The following RBFOX1 variants were observed in gnomAD, a reference collection of about 807,000 sequenced individuals.
RBFOX1 encodes the protein RNA binding protein fox-1 homolog 1.
RBFOX1 carries 8 observed loss-of-function variants against 57.7 expected under a neutral mutation model. The ratio of observed to expected loss-of-function variants is 0.14; its 90% CI spans 0.08 to 0.25. The LOEUF (loss-of-function observed/expected upper bound fraction) is 0.25. RBFOX1 is among the 10% of genes least tolerant of loss of function. The pLI is 1.00. For missense variants in RBFOX1, 611 were observed against 548.5 expected (o/e 1.11, Z -1.14); for synonymous variants, 326 against 222.4 (o/e 1.47, Z -4.15).
At chr16:6,162,506 A>G (rs1371115933) in intron 1 of RBFOX1, among the ~76,000 whole-genome samples, 1 of 152,186 alleles carries the variant, frequency 6.6e-6, no homozygotes, top group African/African-American at 2.4e-5. Flanking sequence ...GACAACTATT[A>G]TCTGTTTAAG....
Position 6,896,907 on chromosome 16 carries a change from A to G in RBFOX1, c.-15-155150A>G, listed in dbSNP as rs542148586. On this transcript the variant is annotated intron_variant, in intron 3 of 15. Transcript: ENST00000550418. Reference sequence around the variant, plus strand: ...GGGAATTTAGGTGACATTTTTAAAAAAAATGCATTTGGTGAAAGAAAGCAA... The same window carrying G: ...GGGAATTTAGGTGACATTTTTAAAAGAAATGCATTTGGTGAAAGAAAGCAA... Among the ~76,000 whole-genome samples, 193 of 152,280 alleles carry G rather than the reference A, an allele frequency of 1.3e-3. 2 individuals carry two copies. The highest frequency in any genetic ancestry group is 4.4e-3 in the African/African-American group (184 of 41,556).
chr16:6,006,168 G>C (rs1316646024), intron 4 of RBFOX1, among the ~76,000 whole-genome samples: 1 of 152,194 alleles, frequency 6.6e-6, no homozygotes, highest in Non-Finnish European at 1.5e-5. Context: ...GCTGGTAATA[G>C]CACCCGGTTT....
At chr16:6,619,494 C>A (rs1445705797) in intron 2 of RBFOX1, among the ~76,000 whole-genome samples, 2 of 152,076 alleles carry the variant, frequency 1.3e-5, no homozygotes, top group Admixed American at 1.3e-4. Context: ...TCTCATTAAA[C>A]TTATGCCTTT....
intron 1 of RBFOX1, among the ~76,000 whole-genome samples, chr16:6,230,410 C>T (rs917194555): frequency 3.3e-5 from 5 of 152,106 alleles, no homozygotes; most frequent in Admixed American, 1.3e-4. Context: ...CCTCTGATCA[C>T]GCTATTATTC....
chr16:6,954,368 A>G lies in RBFOX1; in HGVS notation c.-15-97689A>G, dbSNP rs117079510. Among the ~76,000 whole-genome samples, 39 of 152,274 alleles carry G rather than the reference A, an allele frequency of 2.6e-4. No homozygotes were observed. In the South Asian group the frequency reaches 7.7e-3, roughly 30 times the overall value. On this transcript the variant is annotated intron_variant, in intron 3 of 15. Coordinates refer to ENST00000550418, the MANE Select transcript of RBFOX1 (RefSeq NM_018723.4). ...TAGTTACAATAACGGTCTTCCATCCATTAGTAGTTCCGGCATGCATAGATG... is the reference window on the plus strand; with the variant it reads ...TAGTTACAATAACGGTCTTCCATCCGTTAGTAGTTCCGGCATGCATAGATG...
At chr16:7,277,612 T>C (rs2095466213) in intron 4 of RBFOX1, among the ~76,000 whole-genome samples, 1 of 152,100 alleles carries the variant, frequency 6.6e-6, no homozygotes, top group South Asian at 2.1e-4. Flanking sequence ...GTCTGAAAGC[T>C]CATTATTTCT....
chr16:5,324,580 G>A (rs1357196861), intron 1 of RBFOX1, among the ~76,000 whole-genome samples: 1 of 152,122 alleles, frequency 6.6e-6, no homozygotes, highest in Non-Finnish European at 1.5e-5. Context: ...GTGGTAGATT[G>A]GATAAAGAAA....
intron 2 of RBFOX1, among the ~76,000 whole-genome samples, chr16:6,346,231 C>T (rs995728472): frequency 1.3e-5 from 2 of 152,104 alleles, no homozygotes; most frequent in Admixed American, 6.6e-5. Context: ...AATAATGAGC[C>T]CAAAACAAGC....
chr16:6,780,488 T>TTTTTATATATTTA (rs1567218014), intron 3 of RBFOX1, among the ~76,000 whole-genome samples: 115 of 91,342 alleles, frequency 1.3e-3, no homozygotes, highest in African/African-American at 4.3e-3. Context: ...TTATATATAT[T>TTTTTATATATTTA]TATATACATT....
chr16:5,353,720 A>T (rs1596626115), intron 1 of RBFOX1, among the ~76,000 whole-genome samples: 1 of 55,402 alleles, frequency 1.8e-5, no homozygotes, highest in Admixed American at 2.7e-4. Flanking sequence ...CTAATTTCCC[A>T]TTGAGGAAAA....
chr16:6,589,565 T>C (rs1386002016), intron 2 of RBFOX1, among the ~76,000 whole-genome samples: 4 of 152,352 alleles, frequency 2.6e-5, no homozygotes, highest in South Asian at 4.1e-4. Flanking sequence ...ACTGGTCTTA[T>C]ATTTTACAAT....
chr16:5,760,518 C>T (rs1412853847), intron 3 of RBFOX1, among the ~76,000 whole-genome samples: 3 of 152,104 alleles, frequency 2.0e-5, no homozygotes, highest in Non-Finnish European at 2.9e-5. Flanking sequence ...TTTCCATCAA[C>T]AGAGGAGAAG....
intron 4 of RBFOX1, among the ~76,000 whole-genome samples, chr16:7,485,522 A>C (rs1049283659): frequency 5.9e-5 from 9 of 152,182 alleles, no homozygotes; most frequent in Admixed American, 1.3e-4. Context: ...GAGGTGAATG[A>C]GCTGAGGATG....
chr16:6,982,346 C>G (rs1288670578), intron 3 of RBFOX1, among the ~76,000 whole-genome samples: 1 of 152,162 alleles, frequency 6.6e-6, no homozygotes, highest in East Asian at 1.9e-4. Context: ...GCCAGCATGT[C>G]ATTTTGACTT....
At chr16:6,816,286 G>C (rs2090048358) in intron 3 of RBFOX1, among the ~76,000 whole-genome samples, 1 of 152,190 alleles carries the variant, frequency 6.6e-6, no homozygotes, top group Non-Finnish European at 1.5e-5. Context: ...TCGCACTTGA[G>C]CCACAGGGTA....
intron 3 of RBFOX1, among the ~76,000 whole-genome samples, chr16:6,932,700 C>T (rs913915788): frequency 6.6e-6 from 1 of 152,146 alleles, no homozygotes; most frequent in Non-Finnish European, 1.5e-5. Flanking sequence ...TCTACTTTCA[C>T]TAATCTCTTT....
At chr16:6,585,259 T>A (rs557422589) in intron 2 of RBFOX1, among the ~76,000 whole-genome samples, 3 of 152,300 alleles carry the variant, frequency 2.0e-5, no homozygotes, top group South Asian at 4.1e-4. Flanking sequence ...GAGGAAACCT[T>A]TATCGTCATG....
chr16:5,950,231 C>T (rs2059492568), intron 4 of RBFOX1, among the ~76,000 whole-genome samples: 1 of 152,214 alleles, frequency 6.6e-6, no homozygotes, highest in South Asian at 2.1e-4. Context: ...GACAGCAGAA[C>T]ATTCACTAAG....
intron 3 of RBFOX1, among the ~76,000 whole-genome samples, chr16:6,802,656 G>T (rs560366850): frequency 5.9e-4 from 90 of 152,312 alleles, no homozygotes; most frequent in African/African-American, 2.0e-3. Context: ...CAGCCTGGGT[G>T]GCAGTGAGAC....
Sources: allele counts gnomAD v4.1 joint callset (sites outside exome capture counted in the v4.1 genomes callset), GRCh38; gene constraint gnomAD v4.1.1; transcripts MANE v1.5; gene names NCBI Gene and HGNC (gene_info 2026-07-23, HGNC 2026-07-21).